CACNG3: variants seen among roughly 807,000 people sequenced by gnomAD.
CACNG3 encodes voltage-dependent calcium channel gamma-3 subunit.
Under a neutral mutation model 28.5 loss-of-function variants are expected in CACNG3, and 3 were observed. That is an observed-to-expected ratio of 0.11 (90% CI 0.05 to 0.27). The LOEUF is 0.27. Ranked by LOEUF, CACNG3 falls within the 10% of genes least tolerant of loss-of-function variation. CACNG3 has a pLI of 1.00. For missense variants in CACNG3, 236 were observed against 414.4 expected (o/e 0.57, Z 3.74); for synonymous variants, 174 against 162.2 (o/e 1.07, Z -0.55).
intron 1 of CACNG3, among the ~76,000 whole-genome samples, chr16:24,332,703 C>G (rs2141374229): frequency 6.6e-6 from 1 of 152,246 alleles, no homozygotes; most frequent in Admixed American, 6.5e-5. Flanking sequence ...GTTGCACGGA[C>G]AGGCAAGTAA....
intron 1 of CACNG3, among the ~76,000 whole-genome samples, chr16:24,277,679 C>G (rs557410030): frequency 1.5e-4 from 23 of 151,238 alleles, no homozygotes; most frequent in African/African-American, 4.9e-4. Context: ...ACTCAGGAGG[C>G]TGAGGCAGGA....
chr16:24,298,419 A>G (rs1012264685), intron 1 of CACNG3, among the ~76,000 whole-genome samples: 1 of 152,210 alleles, frequency 6.6e-6, no homozygotes, highest in Non-Finnish European at 1.5e-5. Flanking sequence ...ACATCACTGT[A>G]ATTAAATCCT....
intron 1 of CACNG3, among the ~76,000 whole-genome samples, chr16:24,266,456 G>C (rs757681632): frequency 1.3e-5 from 2 of 152,030 alleles, no homozygotes; most frequent in Admixed American, 1.3e-4. Context: ...TGAAACTGAG[G>C]GTGACACTTA....
intron 1 of CACNG3, among the ~76,000 whole-genome samples, chr16:24,329,114 C>A (rs1318630223): frequency 6.6e-6 from 1 of 152,152 alleles, no homozygotes; most frequent in Non-Finnish European, 1.5e-5. Flanking sequence ...GGGGGAACCA[C>A]CAGGATGTCC....
intron 1 of CACNG3, among the ~76,000 whole-genome samples, chr16:24,268,933 CTG>C (rs1898649314): frequency 6.6e-6 from 1 of 152,184 alleles, no homozygotes; most frequent in Admixed American, 6.5e-5. Flanking sequence ...TTGGATGACT[CTG>C]TAACATAGAC....
chr16:24,285,026 A>AG (rs1898874786), intron 1 of CACNG3, among the ~76,000 whole-genome samples: 1 of 152,070 alleles, frequency 6.6e-6, no homozygotes, highest in Non-Finnish European at 1.5e-5. Flanking sequence ...AAAAAAAAAA[A>AG]AAAGAAAGAC....
intron 1 of CACNG3, among the ~76,000 whole-genome samples, chr16:24,317,857 T>A (rs887496108): frequency 6.6e-6 from 1 of 152,182 alleles, no homozygotes; most frequent in Non-Finnish European, 1.5e-5. Context: ...CCCCTGAAGC[T>A]TCAGAAGTGC....
At chr16:24,264,185 G>A (rs1898568798) in intron 1 of CACNG3, among the ~76,000 whole-genome samples, 1 of 152,234 alleles carries the variant, frequency 6.6e-6, no homozygotes, top group South Asian at 2.1e-4. Context: ...CCGGCTGCAC[G>A]ATGCTTGTGA....
intron 1 of CACNG3, among the ~76,000 whole-genome samples, chr16:24,296,961 G>A (rs1343812226): frequency 6.6e-6 from 1 of 152,080 alleles, no homozygotes; most frequent in Non-Finnish European, 1.5e-5. Context: ...TTCCCTGAGG[G>A]GTGCTTAAAA....
At chr16:24,342,982 G>C (rs1567223258) in intron 1 of CACNG3, among the ~76,000 whole-genome samples, 2 of 152,022 alleles carry the variant, frequency 1.3e-5, no homozygotes, top group Non-Finnish European at 2.9e-5. Context: ...CTGAGGCCAG[G>C]AGTTCAAGAC....
At chr16:24,335,674 C>T (rs1409654909) in intron 1 of CACNG3, among the ~76,000 whole-genome samples, 1 of 152,152 alleles carries the variant, frequency 6.6e-6, no homozygotes, top group Non-Finnish European at 1.5e-5. Flanking sequence ...CATCCTATGA[C>T]CAACAATAGT....
At chr16:24,312,940 A>AAAGG (rs1199387770) in intron 1 of CACNG3, among the ~76,000 whole-genome samples, 1 of 99,228 alleles carries the variant, frequency 1.0e-5, no homozygotes, top group East Asian at 3.2e-4. Flanking sequence ...AGAAAGAAAG[A>AAAGG]AAGAAAGAAA....
At chr16:24,320,654 A>C (rs779758086) in intron 1 of CACNG3, among the ~76,000 whole-genome samples, 13 of 152,218 alleles carry the variant, frequency 8.5e-5, no homozygotes, top group Non-Finnish European at 1.6e-4. Context: ...CCTTGTTTTC[A>C]GTTACCTATG....
At chr16:24,306,194 G>A (rs1188594262) in intron 1 of CACNG3, among the ~76,000 whole-genome samples, 1 of 152,174 alleles carries the variant, frequency 6.6e-6, no homozygotes, top group African/African-American at 2.4e-5. Context: ...TTTTCTTGGA[G>A]CCACCGTGTG....
At chr16:24,311,051 G>C (rs1899254897) in intron 1 of CACNG3, among the ~76,000 whole-genome samples, 1 of 152,180 alleles carries the variant, frequency 6.6e-6, no homozygotes, top group African/African-American at 2.4e-5. Flanking sequence ...AGGGGCACTT[G>C]GGTTGTCCCC....
At chr16:24,258,401 G>A (rs1898497126) in intron 1 of CACNG3, among the ~76,000 whole-genome samples, 1 of 152,202 alleles carries the variant, frequency 6.6e-6, no homozygotes, top group Non-Finnish European at 1.5e-5. Flanking sequence ...GAAGACCTGG[G>A]TAATGCTGCA....
At position 24,361,366 on chromosome 16, in the gene CACNG3, A is replaced by G; in HGVS notation, c.451A>G (p.Ile151Val). 6.2e-7 allele frequency: 1 copy of G among 1,601,462 alleles called. No individual in the cohort carries two copies. Among genetic ancestry groups the G allele is most frequent in the Non-Finnish European group, 8.5e-7 (1 of 1,174,272 alleles). The stretch of plus-strand genomic sequence containing the variant: ...CCTTCTCTTAGGGTTAAGCAACATC[A>G]TTGGCATCATAGTTTATATATCAGC... ...FFVSAGLSNI[I>V]GIIVYISANA... is the part of the protein sequence containing the mutation. Residue 151 changes from isoleucine to valine, a missense_variant, in exon 4 of 4, where the codon ATT (isoleucine) becomes GTT (valine). Physicochemically the swap from Ile to Val is conservative, Grantham distance 29 (BLOSUM62 3). Coordinates refer to ENST00000005284, the MANE Select transcript of CACNG3 (RefSeq NM_006539.4). This position sits in a 1 kb window ranked among gnomAD's most constrained non-coding sequence, Gnocchi z 6.8.
chr16:24,308,305 C>T (rs1899213128), intron 1 of CACNG3, among the ~76,000 whole-genome samples: 1 of 152,172 alleles, frequency 6.6e-6, no homozygotes, highest in Admixed American at 6.5e-5. Context: ...CTGTCTAGTC[C>T]TCATTGCTTC....
At chr16:24,356,460 G>C (rs1900034389) in intron 3 of CACNG3, among the ~76,000 whole-genome samples, 2 of 152,188 alleles carry the variant, frequency 1.3e-5, no homozygotes, top group Non-Finnish European at 1.5e-5. Flanking sequence ...CCAGCACTTT[G>C]GAAGGCCGAG....
Sources: gnomAD v4.1 joint callset for allele counts (sites outside exome capture counted in the v4.1 genomes callset) on GRCh38, gnomAD v4.1.1 for gene constraint, Gnocchi (gnomAD v3.1) non-coding constraint, MANE v1.5 for transcripts, NCBI Gene and HGNC (gene_info 2026-07-23, HGNC 2026-07-21) for gene names.